The following FOXP1 variants were observed in gnomAD, a reference collection of about 807,000 sequenced individuals.
The protein encoded by FOXP1 is forkhead box P1.
Under a neutral mutation model 98.2 loss-of-function variants are expected in FOXP1, and 15 were observed. The observed-to-expected ratio is 0.15, with a 90% CI of 0.10 to 0.24. The LOEUF (loss-of-function observed/expected upper bound fraction) is 0.24. FOXP1 is among the 10% of genes least tolerant of loss of function. The pLI is 1.00. For missense variants in FOXP1, 633 were observed against 848.5 expected (o/e 0.75, Z 3.15); for synonymous variants, 371 against 314.5 (o/e 1.18, Z -1.90).
chr3:71,268,765 G>A (rs1230972898), intron 5 of FOXP1, among the ~76,000 whole-genome samples: 1 of 152,162 alleles, frequency 6.6e-6, no homozygotes, highest in Non-Finnish European at 1.5e-5. Flanking sequence ...CTGGTGTGCT[G>A]TCAACCTGGG....
intron 2 of FOXP1, among the ~76,000 whole-genome samples, chr3:71,558,220 G>C (rs979238905): frequency 1.3e-5 from 2 of 152,186 alleles, no homozygotes; most frequent in African/African-American, 4.8e-5. Flanking sequence ...TGAACTGCCA[G>C]CCTCCCTTCC....
At chr3:71,352,482 A>AAAAAC (rs1553854479) in intron 4 of FOXP1, among the ~76,000 whole-genome samples, 5 of 148,204 alleles carry the variant, frequency 3.4e-5, no homozygotes, top group African/African-American at 1.2e-4. Flanking sequence ...AAAAAAAAAA[A>AAAAAC]AAAAAAAAAA....
intron 4 of FOXP1, among the ~76,000 whole-genome samples, chr3:71,322,204 C>T (rs972174567): frequency 5.3e-5 from 8 of 152,114 alleles, no homozygotes; most frequent in South Asian, 4.1e-4. Context: ...AAAACTAGGC[C>T]GCTGCCCTCA....
chr3:71,318,517 A>C (rs1326775419), intron 4 of FOXP1, among the ~76,000 whole-genome samples: 1 of 152,240 alleles, frequency 6.6e-6, no homozygotes, highest in African/African-American at 2.4e-5. Flanking sequence ...ATACACACTT[A>C]ACACTTGAGT....
chr3:71,446,969 G>A (rs752072774), intron 3 of FOXP1, among the ~76,000 whole-genome samples: 1 of 152,270 alleles, frequency 6.6e-6, no homozygotes, highest in Non-Finnish European at 1.5e-5. Context: ...GATGAAGCAG[G>A]CAGGGACTCA....
chr3:71,281,848 C>A (rs2071603318), intron 5 of FOXP1, among the ~76,000 whole-genome samples: 1 of 151,870 alleles, frequency 6.6e-6, no homozygotes, highest in South Asian at 2.1e-4. Flanking sequence ...TGCCTGTAAT[C>A]TCAACACTTT....
chr3:71,089,368 C>T (rs990109025), intron 7 of FOXP1, among the ~76,000 whole-genome samples: 7 of 152,258 alleles, frequency 4.6e-5, no homozygotes, highest in African/African-American at 1.2e-4. Context: ...ATCTTGGAAG[C>T]GGCTCCCCTA....
intron 2 of FOXP1, among the ~76,000 whole-genome samples, chr3:71,565,957 C>A (rs554748671): frequency 2.6e-5 from 4 of 152,128 alleles, no homozygotes; most frequent in Non-Finnish European, 4.4e-5. Flanking sequence ...AATAAATCAA[C>A]GAGTGAATCA....
intron 6 of FOXP1, among the ~76,000 whole-genome samples, chr3:71,174,094 G>A (rs1415140642): frequency 1.3e-5 from 2 of 152,192 alleles, no homozygotes; most frequent in Non-Finnish European, 2.9e-5. Flanking sequence ...AACACAGACA[G>A]ATCCATTATT....
At chr3:71,026,439 G>A (rs768494275) in intron 11 of FOXP1, among the ~76,000 whole-genome samples, 3 of 152,272 alleles carry the variant, frequency 2.0e-5, no homozygotes, top group East Asian at 1.9e-4. Flanking sequence ...CTCTGAAGAC[G>A]TACTTTAATT....
At chr3:71,420,083 C>T (rs1010064689) in intron 3 of FOXP1, among the ~76,000 whole-genome samples, 3 of 152,004 alleles carry the variant, frequency 2.0e-5, no homozygotes, top group Admixed American at 6.6e-5. Flanking sequence ...TGTTGGGAGC[C>T]ACTGCGCCCG....
At chr3:71,013,058 A>G (rs1165254396) in intron 12 of FOXP1, among the ~76,000 whole-genome samples, 1 of 152,214 alleles carries the variant, frequency 6.6e-6, no homozygotes, top group African/African-American at 2.4e-5. Flanking sequence ...CTGACAAGGT[A>G]ACACAAGTAA....
At chr3:71,501,264 C>CA (rs1311939903) in intron 2 of FOXP1, among the ~76,000 whole-genome samples, 1 of 147,936 alleles carries the variant, frequency 6.8e-6, no homozygotes, top group African/African-American at 2.5e-5. Context: ...CATCACTAAT[C>CA]AAAAAAATCC....
At chr3:71,515,433 CAAAA>C (rs35322006) in intron 2 of FOXP1, among the ~76,000 whole-genome samples, 9 of 96,972 alleles carry the variant, frequency 9.3e-5, no homozygotes, top group Non-Finnish European at 1.4e-4. Context: ...ATTTACACAG[CAAAA>C]AAAAAAAAAA....
chr3:71,275,072 A>C (rs1374492890), intron 5 of FOXP1, among the ~76,000 whole-genome samples: 1 of 152,216 alleles, frequency 6.6e-6, no homozygotes, highest in African/African-American at 2.4e-5. Flanking sequence ...TTGTCTCTCT[A>C]TTCCAAAAAT....
At chr3:71,304,468 G>A (rs1422135518) in intron 4 of FOXP1, among the ~76,000 whole-genome samples, 1 of 152,070 alleles carries the variant, frequency 6.6e-6, no homozygotes, top group Admixed American at 6.6e-5. Context: ...CCCCACAAAT[G>A]TTAAACAAAA....
chr3:71,030,041 T>A (rs1271303868), intron 11 of FOXP1, among the ~76,000 whole-genome samples: 1 of 152,212 alleles, frequency 6.6e-6, no homozygotes, highest in Non-Finnish European at 1.5e-5. Flanking sequence ...GCTGGTAGCA[T>A]ACCCGATTCA....
intron 3 of FOXP1, among the ~76,000 whole-genome samples, chr3:71,393,475 C>T (rs1322792368): frequency 2.0e-5 from 3 of 151,700 alleles, no homozygotes; most frequent in Non-Finnish European, 4.4e-5. Flanking sequence ...ATATCATGTA[C>T]ATTTACGCAG....
chr3:71,390,867 A>G (rs748497924), intron 3 of FOXP1, among the ~76,000 whole-genome samples: 1 of 152,218 alleles, frequency 6.6e-6, no homozygotes, highest in Non-Finnish European at 1.5e-5. Flanking sequence ...CATCTGAGAC[A>G]AGCCTCACGT....
Sources: gnomAD v4.1 joint callset for allele counts (sites outside exome capture counted in the v4.1 genomes callset) on GRCh38, gnomAD v4.1.1 for gene constraint, MANE v1.5 for transcripts, NCBI Gene and HGNC (gene_info 2026-07-23, HGNC 2026-07-21) for gene names.